Variants in EBF3 observed in about 807,000 individuals in gnomAD.
EBF3 encodes the protein transcription factor COE3.
In EBF3, 18 loss-of-function variants were observed where a neutral mutation model predicts 77.1. The ratio of observed to expected loss-of-function variants is 0.23; its 90% CI spans 0.16 to 0.35. The LOEUF (loss-of-function observed/expected upper bound fraction) is 0.35. Among genes scored for constraint, EBF3 ranks in the 10% least tolerant of loss-of-function variants. The pLI, the probability that EBF3 is intolerant of heterozygous loss-of-function variation, is 1.00. For synonymous variants in EBF3, 350 were observed against 343.5 expected, an observed-to-expected ratio of 1.02 and a Z score of -0.21; for missense variants, 558 against 860.0, an observed-to-expected ratio of 0.65 and a Z score of 4.39.
At position 129,877,867 on chromosome 10, in the gene EBF3, A is replaced by G; in HGVS notation, c.555-18T>C. On this transcript the variant is annotated intron_variant, in intron 6 of 16. Coordinates refer to ENST00000440978, the MANE Select transcript of EBF3 (RefSeq NM_001375380.1). Reference sequence around the variant, plus strand: ...GAAAGAATCTATAAAAAATACAAAAAGATGATATTTATTAGGGTTATCAGA... The same window carrying G: ...GAAAGAATCTATAAAAAATACAAAAGGATGATATTTATTAGGGTTATCAGA... 1 of 1,590,084 alleles carries G rather than the reference A, an allele frequency of 6.3e-7. No individual in the cohort carries two copies. Among genetic ancestry groups the G allele is most frequent in the Non-Finnish European group, 8.6e-7 (1 of 1,162,908 alleles).
At chr10:129,928,241 T>C (rs1856799434) in intron 6 of EBF3, among the ~76,000 whole-genome samples, 1 of 152,132 alleles carries the variant, frequency 6.6e-6, no homozygotes, top group South Asian at 2.1e-4. Flanking sequence ...CTGATGCCCA[T>C]TGTAGAAACT....
intron 6 of EBF3, among the ~76,000 whole-genome samples, chr10:129,882,347 G>A (rs1401601465): frequency 6.6e-6 from 1 of 152,236 alleles, no homozygotes; most frequent in Non-Finnish European, 1.5e-5. Flanking sequence ...GAACTTTGTG[G>A]TGTTGTTCAG....
intron 6 of EBF3, among the ~76,000 whole-genome samples, chr10:129,893,717 G>A (rs1299616877): frequency 5.9e-5 from 9 of 152,132 alleles, no homozygotes; most frequent in Non-Finnish European, 1.2e-4. Context: ...CATGAAACCC[G>A]GACCACCTTC....
At chr10:129,949,394 C>G (rs925172218) in intron 6 of EBF3, among the ~76,000 whole-genome samples, 2 of 152,286 alleles carry the variant, frequency 1.3e-5, no homozygotes, top group African/African-American at 2.4e-5. Context: ...GAGCAGCATC[C>G]CAGGCTCCAG....
intron 6 of EBF3, among the ~76,000 whole-genome samples, chr10:129,884,835 G>C (rs978858106): frequency 6.6e-6 from 1 of 152,124 alleles, no homozygotes; most frequent in Non-Finnish European, 1.5e-5. Context: ...CCTTTGTCTG[G>C]GGATTCTGGC....
At chr10:129,962,628 T>C (rs1182669729) in intron 3 of EBF3, among the ~76,000 whole-genome samples, 1 of 152,180 alleles carries the variant, frequency 6.6e-6, no homozygotes, top group Non-Finnish European at 1.5e-5. Context: ...AAGTAAGTTA[T>C]GCTCCGTTTA....
At chr10:129,932,411 G>A (rs953748498) in intron 6 of EBF3, among the ~76,000 whole-genome samples, 2 of 152,166 alleles carry the variant, frequency 1.3e-5, no homozygotes, top group Non-Finnish European at 1.5e-5. Context: ...ATGGCAGAGC[G>A]GCCGCCGATC....
In EBF3 at chr10:129,943,992, G is replaced by A. The variant is rs139128277; in HGVS notation, c.554+13266C>T. Among the ~76,000 whole-genome samples, 134 of 152,222 alleles carry A rather than the reference G, an allele frequency of 8.8e-4. No homozygotes were observed. Among genetic ancestry groups the A allele is most frequent in the Non-Finnish European group, 1.2e-3 (82 of 68,018 alleles). On this transcript the variant is annotated intron_variant, in intron 6 of 16. Transcript: ENST00000440978. This position sits in a 1 kb window ranked among gnomAD's most constrained non-coding sequence, Gnocchi z 8.8. ...CTCCCCAGACCTTCCCACCCTATGC[G>A]TGATTTCTGAGTTGATTAACATTTC...
At chr10:129,959,035 G>A in intron 4 of EBF3, 28 bp from the exon 5 acceptor site, 1 of 1,597,036 alleles carries the variant, frequency 6.3e-7, no homozygotes, top group Non-Finnish European at 8.5e-7. Context: ...AGAGGCTGGG[G>A]TTACGCGGCG....
In EBF3 at chr10:129,943,166, G is replaced by A. The variant is rs1368643834; in HGVS notation, c.554+14092C>T. 6.6e-6 allele frequency among the ~76,000 whole-genome samples: 1 copy of A among 152,368 alleles called. No homozygotes were observed. The highest frequency in any genetic ancestry group is 1.5e-5 in the Non-Finnish European group (1 of 68,030). ...ACATAAACAAGGCCCGCCAGAGCCA[G>A]AGAGCTGCCAGGCAGCTCTTCATTG... On this transcript the variant is annotated intron_variant, in intron 6 of 16. Coordinates refer to ENST00000440978, the MANE Select transcript of EBF3 (RefSeq NM_001375380.1). The surrounding 1 kb of genome is among the most constrained non-coding windows in gnomAD (Gnocchi z 8.8).
chr10:129,947,603 G>A lies in EBF3; in HGVS notation c.554+9655C>T, dbSNP rs1265879305. 6.6e-6 allele frequency among the ~76,000 whole-genome samples: 1 copy of A among 151,114 alleles called. No homozygotes were observed. Among genetic ancestry groups the A allele is most frequent in the Non-Finnish European group, 1.5e-5 (1 of 67,874 alleles). On this transcript the variant is annotated intron_variant, in intron 6 of 16. Transcript: ENST00000440978. This position sits in a 1 kb window ranked among gnomAD's most constrained non-coding sequence, Gnocchi z 4.5. ...AGGAAATAAACCCCTTATAATAAGT[G>A]AAATTGAGCAATGCCACTTAAATTC... is the stretch of plus-strand genomic sequence containing the variant.
chr10:129,900,097 G>A (rs1056969840), intron 6 of EBF3, among the ~76,000 whole-genome samples: 11 of 152,138 alleles, frequency 7.2e-5, no homozygotes, highest in South Asian at 4.1e-4. Context: ...TGCTGACTCC[G>A]GTGTTTCCAT....
At chr10:129,929,639 A>C (rs1274426707) in intron 6 of EBF3, among the ~76,000 whole-genome samples, 1 of 152,206 alleles carries the variant, frequency 6.6e-6, no homozygotes, top group Non-Finnish European at 1.5e-5. Flanking sequence ...CCCTAGACCC[A>C]GTCCAAGGAG....
In EBF3 at chr10:129,836,598, T is replaced by TAAAATA. The variant is rs11422191; in HGVS notation, c.*1344_*1345insTATTTT. 2 of 147,080 alleles carry TAAAATA rather than the reference T, an allele frequency of 1.4e-5. No homozygotes were observed. Among genetic ancestry groups the TAAAATA allele is most frequent in the African/African-American group, 5.0e-5 (2 of 40,084 alleles). The allele number at this position is 147,080 out of a possible 1,614,324, so 9.1% of individuals were successfully genotyped here. ...CAATGAATTTGACTTTTCCTCAAAA[T>TAAAATA]AAAAAAAAAAAGGATGGAAAGTCTA... On this transcript the variant is annotated 3_prime_UTR_variant, in exon 17 of 17. Coordinates refer to ENST00000440978, the MANE Select transcript of EBF3 (RefSeq NM_001375380.1).
chr10:129,867,684 T>G, intron 9 of EBF3, 98 bp downstream of exon 9: 1 of 1,554,998 alleles, frequency 6.4e-7, no homozygotes, highest in Non-Finnish European at 8.7e-7. Context: ...AAGGGGAATT[T>G]GCCATAGGGC....
At chr10:129,949,224 C>A (rs951969290) in intron 6 of EBF3, among the ~76,000 whole-genome samples, 1 of 152,204 alleles carries the variant, frequency 6.6e-6, no homozygotes, top group African/African-American at 2.4e-5. Context: ...TCACTTGAAC[C>A]CGGGAAGCGG....
chr10:129,841,137 C>A lies in EBF3; in HGVS notation c.1373-105G>T. 6.9e-7 allele frequency: 1 copy of A among 1,445,562 alleles called. No individual in the cohort carries two copies. The highest frequency in any genetic ancestry group is 2.4e-5 in the East Asian group (1 of 41,378). 89.5% of individuals were successfully genotyped at this position (1,445,562 alleles called of 1,614,324 possible). A position where few individuals can be genotyped will look rare whatever the true frequency, so the allele number is the denominator to read the frequency against. On this transcript the variant is annotated intron_variant, in intron 13 of 16. Transcript: ENST00000440978. This position sits in a 1 kb window ranked among gnomAD's most constrained non-coding sequence, Gnocchi z 4.6. ...ATCATATATTAACATTGCTAATTGA[C>A]CCTGTGCTTTCCACCTGCTCTAGCG...
rs370785178 is a variant in EBF3 at position 129,877,930 on chromosome 10, GGGA to G, written c.555-84_555-82del. On this transcript the variant is annotated intron_variant, in intron 6 of 16. Coordinates refer to ENST00000440978, the MANE Select transcript of EBF3 (RefSeq NM_001375380.1). Reference sequence around the variant, plus strand: ...ACTTTTTAAAAGACACTCTTGCGCAGGGAGGAGTGGAGACTCAACCCCACAGCT... The same window carrying G: ...ACTTTTTAAAAGACACTCTTGCGCAGGGAGTGGAGACTCAACCCCACAGCT... 2,475 of 1,125,704 alleles carry G rather than the reference GGGA, an allele frequency of 2.2e-3. 13 individuals carry two copies. Among genetic ancestry groups the G allele is most frequent in the Middle Eastern group, 8.8e-3 (39 of 4,448 alleles). 69.7% of individuals were successfully genotyped at this position (1,125,704 alleles called of 1,614,324 possible).
chr10:129,856,063 A>C (rs768104358), intron 10 of EBF3, among the ~76,000 whole-genome samples: 1 of 152,180 alleles, frequency 6.6e-6, no homozygotes, highest in Non-Finnish European at 1.5e-5. Flanking sequence ...CAGCCACCCC[A>C]TGCACTTGTT....
Sources: allele counts gnomAD v4.1 joint callset (sites outside exome capture counted in the v4.1 genomes callset), GRCh38; gene constraint gnomAD v4.1.1; non-coding constraint Gnocchi (gnomAD v3.1); transcripts MANE v1.5; gene names NCBI Gene and HGNC (gene_info 2026-07-23, HGNC 2026-07-21).